Variants in NCKAP5 observed in about 807,000 individuals in gnomAD.
The protein encoded by NCKAP5 is NCK associated protein 5.
NCKAP5 carries 92 observed loss-of-function variants against 167.0 expected under a neutral mutation model. The observed-to-expected ratio is 0.55, with a 90% CI of 0.47 to 0.66. NCKAP5 has a LOEUF of 0.66. Ranked by LOEUF, NCKAP5 falls within the 30% of genes least tolerant of loss-of-function variation. The pLI is 0.00. For missense variants in NCKAP5, 2,378 were observed against 2,315.0 expected, an observed-to-expected ratio of 1.03 and a Z score of -0.56; for synonymous variants, 891 against 877.4, an observed-to-expected ratio of 1.02 and a Z score of -0.27.
intron 4 of NCKAP5, among the ~76,000 whole-genome samples, chr2:133,250,732 G>T (rs2088271833): frequency 1.3e-5 from 2 of 152,198 alleles, no homozygotes; most frequent in Non-Finnish European, 1.5e-5. Context: ...GAGGCCAGGA[G>T]CTTGAGACCA....
At chr2:132,691,541 G>A (rs1573885116) in intron 19 of NCKAP5, among the ~76,000 whole-genome samples, 1 of 152,042 alleles carries the variant, frequency 6.6e-6, no homozygotes, top group Non-Finnish European at 1.5e-5. Flanking sequence ...CTTTCGATTA[G>A]TCACGTTTCA....
At chr2:133,547,032 G>A (rs985839355) in intron 2 of NCKAP5, among the ~76,000 whole-genome samples, 17 of 152,288 alleles carry the variant, frequency 1.1e-4, no homozygotes, top group African/African-American at 3.4e-4. Context: ...CACCGTGCGC[G>A]AGCTGAAGCA....
intron 5 of NCKAP5, among the ~76,000 whole-genome samples, chr2:133,197,441 A>G (rs1305824786): frequency 2.6e-5 from 4 of 152,330 alleles, no homozygotes; most frequent in East Asian, 3.9e-4. Context: ...AATCAACATT[A>G]TCTTTTGAAT....
At chr2:133,380,566 G>C (rs759479383) in intron 3 of NCKAP5, among the ~76,000 whole-genome samples, 1 of 152,158 alleles carries the variant, frequency 6.6e-6, no homozygotes, top group Non-Finnish European at 1.5e-5. Flanking sequence ...ATTTTTCCAA[G>C]GTAAGTAGCT....
intron 4 of NCKAP5, among the ~76,000 whole-genome samples, chr2:133,223,324 G>A (rs139485650): frequency 2.9e-3 from 443 of 152,244 alleles, no homozygotes; most frequent in Non-Finnish European, 4.8e-3. Context: ...GCCCGGTGGC[G>A]ATCTGGTATG....
At chr2:133,322,945 G>A (rs1682163276) in intron 3 of NCKAP5, among the ~76,000 whole-genome samples, 1 of 152,184 alleles carries the variant, frequency 6.6e-6, no homozygotes, top group African/African-American at 2.4e-5. Flanking sequence ...TGTTGATGCT[G>A]CTTGTCCAGG....
rs534031587 is a variant in NCKAP5, at chr2:133,095,553, G to A, written c.341+34425C>T. Among the ~76,000 whole-genome samples the A allele has an allele frequency of 1.1e-3, 172 of 152,298 alleles. 2 individuals are homozygous for A. The highest frequency in any genetic ancestry group is 2.1e-3 in the South Asian group (10 of 4,824). ...CTAACCTACTGAATGATGAGACCCC[G>A]CATGGCAGGGGTGCAGCCCCCAGCC... On this transcript the variant is annotated intron_variant, in intron 6 of 19. Transcript: ENST00000409261.
intron 6 of NCKAP5, among the ~76,000 whole-genome samples, chr2:133,048,358 GTATGCAGTA>G (rs1308674007): frequency 6.6e-6 from 1 of 152,122 alleles, no homozygotes; most frequent in Non-Finnish European, 1.5e-5. Flanking sequence ...CATATAGAAG[GTATGCAGTA>G]TATGTAGTTC....
intron 4 of NCKAP5, among the ~76,000 whole-genome samples, chr2:133,245,350 T>C (rs916988059): frequency 6.6e-5 from 10 of 152,144 alleles, no homozygotes; most frequent in Admixed American, 3.3e-4. Context: ...GAATACAATA[T>C]TGAATGAAAA....
intron 17 of NCKAP5, 149 bp from the exon 18 acceptor site, chr2:132,729,101 G>A: frequency 1.9e-6 from 2 of 1,066,870 alleles, no homozygotes; most frequent in Non-Finnish European, 2.7e-6. Context: ...TCCCACTGTA[G>A]TCTGTGCTGC....
At chr2:132,868,610 C>T (rs1365480432) in intron 10 of NCKAP5, among the ~76,000 whole-genome samples, 4 of 152,116 alleles carry the variant, frequency 2.6e-5, no homozygotes, top group Non-Finnish European at 4.4e-5. Flanking sequence ...AGAAGATACT[C>T]GTTTTATAGG....
upstream of NCKAP5, among the ~76,000 whole-genome samples, chr2:133,571,035 A>G (rs1284134426): frequency 1.3e-5 from 2 of 152,178 alleles, no homozygotes; most frequent in African/African-American, 4.8e-5. Context: ...CAAGAAAAAG[A>G]ATGACTGAAA....
intron 1 of NCKAP5, among the ~76,000 whole-genome samples, chr2:133,560,682 A>G (rs1575159983): frequency 6.6e-6 from 1 of 152,238 alleles, no homozygotes; most frequent in South Asian, 2.1e-4. Flanking sequence ...TTGACTGGAA[A>G]GTGGGTGTGA....
intron 4 of NCKAP5, among the ~76,000 whole-genome samples, chr2:133,283,441 C>G (rs1321098898): frequency 3.3e-5 from 5 of 151,976 alleles, no homozygotes; most frequent in Non-Finnish European, 5.9e-5. Flanking sequence ...TAAAATCATT[C>G]TATAATTTTA....
rs914116207 is a variant in NCKAP5, at chr2:133,340,745, T to C, written c.70-37635A>G. On this transcript the variant is annotated intron_variant, in intron 3 of 19. Transcript: ENST00000409261. ...GTTCAGAGATGGCAAAAATCCCTAGTACAAGAGTAAGCAGTGATTTCTTTT... is the reference window on the plus strand; with the variant it reads ...GTTCAGAGATGGCAAAAATCCCTAGCACAAGAGTAAGCAGTGATTTCTTTT... Among the ~76,000 whole-genome samples, 8 of 152,306 alleles carry C rather than the reference T, an allele frequency of 5.3e-5. No homozygotes were observed. In the South Asian group the frequency reaches 1.7e-3, roughly 32 times the overall value.
intron 11 of NCKAP5, among the ~76,000 whole-genome samples, chr2:132,810,182 G>A (rs1325771155): frequency 6.6e-6 from 1 of 152,110 alleles, no homozygotes; most frequent in Non-Finnish European, 1.5e-5. Context: ...TTCCTTTCTA[G>A]GTTACCTGGT....
At chr2:133,037,598 C>T (rs942969017) in intron 6 of NCKAP5, among the ~76,000 whole-genome samples, 16 of 152,024 alleles carry the variant, frequency 1.1e-4, no homozygotes, top group Admixed American at 4.6e-4. Context: ...CATCCAAATG[C>T]GGAAGAATGA....
intron 7 of NCKAP5, among the ~76,000 whole-genome samples, chr2:132,965,806 G>A (rs2076643022): frequency 6.6e-6 from 1 of 152,012 alleles, no homozygotes; most frequent in African/African-American, 2.4e-5. Context: ...GCAAGTATTT[G>A]TGTATCTAAA....
chr2:133,429,143 T>C (rs1689997215), intron 3 of NCKAP5, among the ~76,000 whole-genome samples: 1 of 152,108 alleles, frequency 6.6e-6, no homozygotes, highest in African/African-American at 2.4e-5. Context: ...AATTATGCCA[T>C]GTGGAATATT....
Sources: gnomAD v4.1 joint callset for allele counts (sites outside exome capture counted in the v4.1 genomes callset) on GRCh38, gnomAD v4.1.1 for gene constraint, MANE v1.5 for transcripts, NCBI Gene and HGNC (gene_info 2026-07-23, HGNC 2026-07-21) for gene names.